DPP6: variants seen among roughly 807,000 people sequenced by gnomAD.
DPP6 encodes dipeptidyl peptidase like 6.
In DPP6, 69 loss-of-function variants were observed where a neutral mutation model predicts 122.6. The ratio of observed to expected loss-of-function variants is 0.56; its 90% CI spans 0.46 to 0.69. The LOEUF (loss-of-function observed/expected upper bound fraction) is 0.69, where lower values mean the gene tolerates loss of function less well. Ranked by LOEUF, DPP6 falls within the 30% of genes least tolerant of loss-of-function variation. DPP6 has a pLI of 0.00. For synonymous variants in DPP6, 418 were observed against 433.1 expected (o/e 0.97, Z 0.43); for missense variants, 928 against 1,116.9 (o/e 0.83, Z 2.41).
chr7:154,529,903 A>T (rs1827700600), intron 3 of DPP6, among the ~76,000 whole-genome samples: 1 of 152,174 alleles, frequency 6.6e-6, no homozygotes, highest in Non-Finnish European at 1.5e-5. Flanking sequence ...AGGCAGGTGG[A>T]TCACTTGAGA....
intron 1 of DPP6, among the ~76,000 whole-genome samples, chr7:154,209,550 A>G (rs901908866): frequency 2.0e-5 from 2 of 97,626 alleles, no homozygotes; most frequent in Non-Finnish European, 2.8e-5. Flanking sequence ...AGTTAAAAAA[A>G]AAAAACAAAA....
chr7:154,664,909 A>G (rs1247687255), intron 6 of DPP6, among the ~76,000 whole-genome samples: 1 of 152,230 alleles, frequency 6.6e-6, no homozygotes, highest in Non-Finnish European at 1.5e-5. Flanking sequence ...ATAATGATCA[A>G]GAATAGGAAA....
At chr7:154,415,932 G>A (rs1168154618) in intron 1 of DPP6, among the ~76,000 whole-genome samples, 1 of 151,700 alleles carries the variant, frequency 6.6e-6, no homozygotes, top group Non-Finnish European at 1.5e-5. Context: ...TACAACCCTT[G>A]TGTTGGAGTT....
At chr7:153,886,659 C>T (rs957695200), upstream of DPP6, among the ~76,000 whole-genome samples, 3 of 152,306 alleles carry the variant, frequency 2.0e-5, no homozygotes, top group Admixed American at 6.5e-5. Flanking sequence ...GTCCTCTGCG[C>T]CCTGGAATTG....
At chr7:154,127,307 C>T (rs139702650) in intron 1 of DPP6, among the ~76,000 whole-genome samples, 2 of 152,026 alleles carry the variant, frequency 1.3e-5, no homozygotes, top group Admixed American at 6.5e-5. Context: ...AAAATATAAC[C>T]ATTTTTCTTT....
intron 1 of DPP6, among the ~76,000 whole-genome samples, chr7:154,272,441 A>G (rs997720554): frequency 6.6e-6 from 1 of 152,198 alleles, no homozygotes; most frequent in African/African-American, 2.4e-5. Flanking sequence ...CACCGCCTGG[A>G]TGGAAATTAT....
intron 1 of DPP6, among the ~76,000 whole-genome samples, chr7:154,247,550 A>G (rs1802060851): frequency 6.6e-6 from 1 of 152,108 alleles, no homozygotes; most frequent in Non-Finnish European, 1.5e-5. Flanking sequence ...ATACTGAGGG[A>G]ACATTTTAAA....
At chr7:154,407,217 C>A (rs577755108) in intron 1 of DPP6, among the ~76,000 whole-genome samples, 3 of 152,146 alleles carry the variant, frequency 2.0e-5, no homozygotes, top group Non-Finnish European at 4.4e-5. Flanking sequence ...TTTAAATTTC[C>A]AATTTAATTT....
At chr7:154,116,733 C>A (rs1468806229) in intron 1 of DPP6, among the ~76,000 whole-genome samples, 2 of 152,208 alleles carry the variant, frequency 1.3e-5, no homozygotes, top group East Asian at 3.9e-4. Context: ...TTTAATCAAG[C>A]CAAATGTTTG....
At chr7:154,292,716 C>T (rs1422396597) in intron 1 of DPP6, among the ~76,000 whole-genome samples, 2 of 152,164 alleles carry the variant, frequency 1.3e-5, no homozygotes, top group African/African-American at 2.4e-5. Flanking sequence ...CCTGTGTCCA[C>T]AGGCAGGCAG....
chr7:153,786,673 A>G, the DPP6 span, among the ~76,000 whole-genome samples: 1 of 137,964 alleles, frequency 7.2e-6, no homozygotes, highest in Non-Finnish European at 1.5e-5. Context: ...CGGGAGGCGG[A>G]GCTTGCAGTG....
chr7:154,725,988 G>T (rs186778851), intron 7 of DPP6, among the ~76,000 whole-genome samples: 38 of 152,308 alleles, frequency 2.5e-4, no homozygotes, highest in Admixed American at 2.4e-3. Flanking sequence ...GCTCCAAAAT[G>T]ATCTCCATTG....
intron 1 of DPP6, among the ~76,000 whole-genome samples, chr7:154,112,674 G>C (rs529663041): frequency 6.6e-5 from 10 of 151,910 alleles, no homozygotes; most frequent in East Asian, 5.8e-4. Context: ...GAATCTCTCA[G>C]TAGGTACTAA....
intron 1 of DPP6, among the ~76,000 whole-genome samples, chr7:154,246,116 T>G (rs1156955217): frequency 6.6e-6 from 1 of 152,156 alleles, no homozygotes; most frequent in Non-Finnish European, 1.5e-5. Flanking sequence ...AAGCATAACA[T>G]GTTTAGAAAA....
intron 8 of DPP6, among the ~76,000 whole-genome samples, chr7:154,732,730 C>T (rs1448505788): frequency 6.6e-6 from 1 of 152,158 alleles, no homozygotes; most frequent in African/African-American, 2.4e-5. Context: ...TTTTCCTTAA[C>T]TAGTCAAGAA....
At chr7:154,837,562 C>T (rs1287756533) in intron 16 of DPP6, among the ~76,000 whole-genome samples, 2 of 152,216 alleles carry the variant, frequency 1.3e-5, no homozygotes, top group African/African-American at 4.8e-5. Context: ...GTGTGGGTAC[C>T]AGCATGGGAG....
At chr7:154,289,698 C>T (rs985494979) in intron 1 of DPP6, among the ~76,000 whole-genome samples, 2 of 152,186 alleles carry the variant, frequency 1.3e-5, no homozygotes, top group Non-Finnish European at 2.9e-5. Context: ...AACACCTAGG[C>T]AGGACCACCT....
At position 154,833,292 on chromosome 7, in the gene DPP6, A is replaced by T. The variant is rs1053939025; in HGVS notation, c.1667-20488A>T. ...GCAGGAGGACAGTCAAAGGCAGAGGATGGGATGGCAAGGTGTTTAAGAAAG... is the reference window on the plus strand; with the variant it reads ...GCAGGAGGACAGTCAAAGGCAGAGGTTGGGATGGCAAGGTGTTTAAGAAAG... On this transcript the variant is annotated intron_variant, in intron 16 of 25. Transcript: ENST00000377770. The surrounding 1 kb of genome is among the most constrained non-coding windows in gnomAD (Gnocchi z 4.3). Among the ~76,000 whole-genome samples the T allele has an allele frequency of 1.5e-4, 23 of 152,136 alleles. No individual in the cohort carries two copies. Among genetic ancestry groups the T allele is most frequent in the African/African-American group, 5.1e-4 (21 of 41,424 alleles).
At chr7:153,918,885 A>G (rs1800501182) in intron 1 of DPP6, among the ~76,000 whole-genome samples, 1 of 148,474 alleles carries the variant, frequency 6.7e-6, no homozygotes, top group African/African-American at 2.5e-5. Context: ...AGGCTGAGGC[A>G]TGAGAATTGC....
Sources: gnomAD v4.1 joint callset for allele counts (sites outside exome capture counted in the v4.1 genomes callset) on GRCh38, gnomAD v4.1.1 for gene constraint, Gnocchi (gnomAD v3.1) non-coding constraint, MANE v1.5 for transcripts, NCBI Gene and HGNC (gene_info 2026-07-23, HGNC 2026-07-21) for gene names.